The following CACNA1E variants were observed in gnomAD, a reference collection of about 807,000 sequenced individuals.
CACNA1E encodes the protein calcium voltage-gated channel subunit alpha1 E, also known as voltage-dependent R-type calcium channel subunit alpha-1E.
A neutral mutation model predicts 259.2 loss-of-function variants in CACNA1E; 40 were observed. That is an observed-to-expected ratio of 0.15 (90% CI 0.12 to 0.20). The LOEUF is 0.20. CACNA1E is among the 10% of genes least tolerant of loss of function. The pLI, the probability that CACNA1E is intolerant of heterozygous loss-of-function variation, is 1.00. For missense variants in CACNA1E, 1,874 were observed against 3,040.1 expected (o/e 0.62, Z 9.02); for synonymous variants, 1,104 against 1,138.5 (o/e 0.97, Z 0.61).
rs373596732 is a variant in CACNA1E, at chr1:181,485,822, G to A, written c.266+1812G>A. ...CTTGCTGTGCCCCTCTCTTAGGGGC[G>A]TGTTTATTCAGACAGGCGCCCTCCC... On this transcript the variant is annotated intron_variant, in intron 1 of 47. Coordinates refer to ENST00000367573, the MANE Select transcript of CACNA1E (RefSeq NM_001205293.3). This position sits in a 1 kb window ranked among gnomAD's most constrained non-coding sequence, Gnocchi z 4.2. 8.6e-4 allele frequency among the ~76,000 whole-genome samples: 131 copies of A among 152,306 alleles called. No homozygotes were observed. The highest frequency in any genetic ancestry group is 3.4e-3 in the Middle Eastern group (1 of 294).
At chr1:181,399,827 T>A (rs1656963558) in intron 1 of CACNA1E, among the ~76,000 whole-genome samples, 1 of 152,236 alleles carries the variant, frequency 6.6e-6, no homozygotes, top group Non-Finnish European at 1.5e-5. Flanking sequence ...GTAAGGAATT[T>A]ACTGTTAAAA....
intron 3 of CACNA1E, among the ~76,000 whole-genome samples, chr1:181,567,970 C>T (rs1207440579): frequency 6.6e-6 from 1 of 152,044 alleles, no homozygotes; most frequent in Non-Finnish European, 1.5e-5. Context: ...TATATACACA[C>T]ACACACATCT....
Position 181,755,409 on chromosome 1 carries a change from C to A in CACNA1E, c.3989+12C>A. The A allele has an allele frequency of 6.2e-7, 1 of 1,610,570 alleles. No homozygotes were observed. The highest frequency in any genetic ancestry group is 8.5e-7 in the Non-Finnish European group (1 of 1,177,292). On this transcript the variant is annotated intron_variant, in intron 28 of 47. Transcript: ENST00000367573. ...GAGAAGGAGTGCATGTAAGTGCCAC[C>A]AGCGCATTCCACTTGATTTTGCTGA... is the stretch of plus-strand genomic sequence containing the variant.
chr1:181,722,875 A>G (rs1381600608), intron 16 of CACNA1E, among the ~76,000 whole-genome samples: 1 of 152,170 alleles, frequency 6.6e-6, no homozygotes. Flanking sequence ...CAATATGAGA[A>G]ACTCATGAAA....
At chr1:181,625,089 T>C in intron 6 of CACNA1E, among the ~76,000 whole-genome samples, 1 of 138,182 alleles carries the variant, frequency 7.2e-6, no homozygotes, top group South Asian at 2.3e-4. Flanking sequence ...ATCTCAACAG[T>C]GGGCTTAAAA....
intron 8 of CACNA1E, among the ~76,000 whole-genome samples, chr1:181,711,862 G>T (rs887744958): frequency 3.3e-5 from 5 of 152,112 alleles, no homozygotes; most frequent in African/African-American, 1.2e-4. Flanking sequence ...TGACCTTATG[G>T]GGCCTTGTAA....
intron 6 of CACNA1E, among the ~76,000 whole-genome samples, chr1:181,639,666 C>A (rs1166175798): frequency 6.6e-6 from 1 of 152,190 alleles, no homozygotes; most frequent in Non-Finnish European, 1.5e-5. Context: ...AAAAGGGATT[C>A]TTTCCGATGT....
chr1:181,608,131 A>G (rs917482574), intron 6 of CACNA1E, among the ~76,000 whole-genome samples: 5 of 152,098 alleles, frequency 3.3e-5, no homozygotes, highest in African/African-American at 1.2e-4. Flanking sequence ...CCTCTTAGAA[A>G]CTAGAGGGCT....
chr1:181,340,019 T>C (rs1454740696), intron 1 of CACNA1E, among the ~76,000 whole-genome samples: 2 of 151,808 alleles, frequency 1.3e-5, no homozygotes, highest in Non-Finnish European at 2.9e-5. Flanking sequence ...TTTTATATTA[T>C]TCTTACAAAG....
chr1:181,652,673 A>G (rs571726458), intron 7 of CACNA1E, among the ~76,000 whole-genome samples: 1 of 152,254 alleles, frequency 6.6e-6, no homozygotes, highest in East Asian at 1.9e-4. Flanking sequence ...GCTAAAAACA[A>G]AAGGACTGAT....
chr1:181,319,463 C>T (rs1178303748), intron 1 of CACNA1E, among the ~76,000 whole-genome samples: 4 of 152,220 alleles, frequency 2.6e-5, no homozygotes, highest in Non-Finnish European at 5.9e-5. Flanking sequence ...AGAACTTCCA[C>T]TGTAAATACG....
At chr1:181,737,391 T>C (rs1011459259) in intron 22 of CACNA1E, 134 bp from the exon 23 acceptor site, 2 of 961,144 alleles carry the variant, frequency 2.1e-6, no homozygotes, top group Non-Finnish European at 3.0e-6. Context: ...AGAAATTAAA[T>C]TGCTCTCCCT....
Position 181,483,948 on chromosome 1 carries a change from C to T in CACNA1E, c.204C>T (p.Ser68=), listed in dbSNP as rs180688979. Residue 68 remains serine (S), a synonymous_variant, in exon 1 of 48, where the codon TCC becomes TCT. Transcript: ENST00000367573. ...AGAACTGTTTCACCGTCAACAGATC[C>T]CTGTTCATCTTCGGAGAAGATAACA... ...VRQNCFTVNR[S]LFIFGEDNIV... 175 of 1,613,534 alleles carry T rather than the reference C, an allele frequency of 1.1e-4. No homozygotes were observed. Among genetic ancestry groups the T allele is most frequent in the Non-Finnish European group, 1.3e-4 (154 of 1,179,580 alleles).
chr1:181,603,331 TG>T (rs1653914321), intron 6 of CACNA1E, among the ~76,000 whole-genome samples: 1 of 152,218 alleles, frequency 6.6e-6, no homozygotes, highest in Non-Finnish European at 1.5e-5. Context: ...GCTGCCTGTC[TG>T]CAGGGTCTTT....
rs114839230 is a variant in CACNA1E at position 181,345,884 on chromosome 1, C to A, written c.-15+27761C>A. Reference sequence around the variant, plus strand: ...ACTGTGGGAGGAGGGGAGAGAGTGGCCACAGGAAGGAGGGGCTGCAGGCAC... The same window carrying A: ...ACTGTGGGAGGAGGGGAGAGAGTGGACACAGGAAGGAGGGGCTGCAGGCAC... On this transcript the variant is annotated intron_variant, in intron 1 of 11. Transcript: ENST00000524607. Among the ~76,000 whole-genome samples, 1,111 of 152,196 alleles carry A rather than the reference C, an allele frequency of 7.3e-3. 12 individuals are homozygous for A. The highest frequency in any genetic ancestry group is 0.026 in the African/African-American group (1,070 of 41,528).
chr1:181,700,847 C>T (rs1000038663), intron 7 of CACNA1E, among the ~76,000 whole-genome samples: 19 of 152,174 alleles, frequency 1.2e-4, no homozygotes, highest in Non-Finnish European at 2.2e-4. Flanking sequence ...CGTTAGCCCA[C>T]GCCGAGCCTC....
At chr1:181,647,001 CAG>C (rs1419348715) in intron 6 of CACNA1E, among the ~76,000 whole-genome samples, 2 of 152,018 alleles carry the variant, frequency 1.3e-5, no homozygotes, top group South Asian at 2.1e-4. Flanking sequence ...GTGTGTCACT[CAG>C]GGGATCGGCA....
At chr1:181,556,135 G>A (rs1648694285) in intron 3 of CACNA1E, among the ~76,000 whole-genome samples, 1 of 152,176 alleles carries the variant, frequency 6.6e-6, no homozygotes, top group African/African-American at 2.4e-5. Flanking sequence ...ATGCTGCAGT[G>A]TAAGGATGCA....
intron 3 of CACNA1E, among the ~76,000 whole-genome samples, chr1:181,515,086 A>C (rs1572073664): frequency 6.6e-6 from 1 of 151,936 alleles, no homozygotes; most frequent in Non-Finnish European, 1.5e-5. Flanking sequence ...CCATACTGGC[A>C]GTTACTTCAC....
Sources: gnomAD v4.1 joint callset for allele counts (sites outside exome capture counted in the v4.1 genomes callset) on GRCh38, gnomAD v4.1.1 for gene constraint, Gnocchi (gnomAD v3.1) non-coding constraint, MANE v1.5 for transcripts, NCBI Gene and HGNC (gene_info 2026-07-23, HGNC 2026-07-21) for gene names.